VPS53: variants seen among roughly 807,000 people sequenced by gnomAD.
VPS53 encodes vacuolar protein sorting-associated protein 53 homolog.
VPS53 carries 70 observed loss-of-function variants against 107.0 expected under a neutral mutation model. That is an observed-to-expected ratio of 0.65 (90% CI 0.54 to 0.80). VPS53 has a LOEUF of 0.80. VPS53 is among the 30% of genes least tolerant of loss of function. VPS53 has a pLI of 0.00. For missense variants in VPS53, 917 were observed against 1,049.4 expected, an observed-to-expected ratio of 0.87 and a Z score of 1.74; for synonymous variants, 409 against 393.3, an observed-to-expected ratio of 1.04 and a Z score of -0.47.
intron 12 of VPS53, among the ~76,000 whole-genome samples, chr17:599,186 G>T (rs1470558452): frequency 6.6e-6 from 1 of 151,382 alleles, no homozygotes; most frequent in African/African-American, 2.4e-5. Flanking sequence ...GGGCGCCTCT[G>T]CCCGGCCGCC....
Position 670,996 on chromosome 17 carries a change from C to T in VPS53, c.286-9101G>A, listed in dbSNP as rs771429217. ...CTGTAATCCCAGCACTTTCGGAGGC[C>T]GAGGCAGGCAAATCACCTAAGGTCA... On this transcript the variant is annotated intron_variant, in intron 4 of 21. Coordinates refer to ENST00000437048, the MANE Select transcript of VPS53 (RefSeq NM_001128159.3). Among the ~76,000 whole-genome samples the T allele has an allele frequency of 3.3e-5, 5 of 152,062 alleles. No homozygotes were observed. In the South Asian group the frequency reaches 6.2e-4, roughly 19 times the overall value.
chr17:509,508 C>G lies in VPS53; in HGVS notation c.*9620G>C, dbSNP rs1221637712. 2 of 152,622 alleles carry G rather than the reference C, an allele frequency of 1.3e-5. No homozygotes were observed. Among genetic ancestry groups the G allele is most frequent in the Non-Finnish European group, 2.8e-5 (2 of 71,552 alleles). 9.5% of individuals were successfully genotyped at this position (152,622 alleles called of 1,614,324 possible). On this transcript the variant is annotated 3_prime_UTR_variant, in exon 22 of 22. Coordinates refer to ENST00000437048, the MANE Select transcript of VPS53 (RefSeq NM_001128159.3). ...GTATCAAATCCTGGCTGACCCCTTACTAGTCACATATCAAATCCTGGCTCG... is the reference window on the plus strand; with the variant it reads ...GTATCAAATCCTGGCTGACCCCTTAGTAGTCACATATCAAATCCTGGCTCG...
intron 1 of VPS53, 130 bp downstream of exon 1, chr17:714,493 C>T: frequency 2.5e-6 from 2 of 814,824 alleles, no homozygotes; most frequent in South Asian, 3.3e-5. Context: ...GCACCACCTC[C>T]CCACCTCCAC....
At position 551,944 on chromosome 17, in the gene VPS53, G is replaced by A. The variant is rs201790043; in HGVS notation, c.1794C>T (p.Ile598=). The A allele has an allele frequency of 2.5e-4, 397 of 1,594,908 alleles. 5 individuals carry two copies. In the South Asian group the frequency reaches 4.2e-3, roughly 17 times the overall value. Residue 598 remains isoleucine, a synonymous_variant, in exon 17 of 22, where the codon ATC becomes ATT. Coordinates refer to ENST00000437048, the MANE Select transcript of VPS53 (RefSeq NM_001128159.3). ...TGEMDTFSTV[I]SSSIQLLVQD... ...GAACCAGCAGCTGAATACTGCTGGA[G>A]ATGACGCTGCAAATCAAACAAATCA... is the stretch of plus-strand genomic sequence containing the variant.
Position 656,669 on chromosome 17 carries a change from A to G in VPS53, c.373-716T>C, listed in dbSNP as rs73281362. 3.3e-3 allele frequency: 1,876 copies of G among 563,754 alleles called. 31 individuals carry two copies. The highest frequency in any genetic ancestry group is 0.032 in the African/African-American group (1,680 of 52,238). 34.9% of individuals were successfully genotyped at this position (563,754 alleles called of 1,614,324 possible). A position where few individuals can be genotyped will look rare whatever the true frequency, so the allele number is the denominator to read the frequency against. ...TACTAACACCCAGGTGAAATCATCC[A>G]CTGTGTTTCTTGGTCCATGCTGACT... On this transcript the variant is annotated intron_variant, in intron 5 of 21. Transcript: ENST00000437048.
At chr17:552,859 C>G in intron 16 of VPS53, 1 of 419,370 alleles carries the variant, frequency 2.4e-6, no homozygotes, top group East Asian at 3.8e-5. Flanking sequence ...AAGCCAACAG[C>G]CTGAGGCACG....
chr17:568,148 G>A (rs964882495), intron 13 of VPS53, among the ~76,000 whole-genome samples: 4 of 152,348 alleles, frequency 2.6e-5, no homozygotes, highest in African/African-American at 4.8e-5. Flanking sequence ...GGAATGTCAA[G>A]CAGTGAGGCA....
intron 7 of VPS53, among the ~76,000 whole-genome samples, chr17:640,548 T>A (rs1422840279): frequency 3.3e-5 from 5 of 152,136 alleles, no homozygotes; most frequent in Admixed American, 3.3e-4. Flanking sequence ...GAACTGCCTA[T>A]GTCGCCATGT....
At chr17:602,856 C>G (rs747328306) in intron 11 of VPS53, among the ~76,000 whole-genome samples, 29 of 152,148 alleles carry the variant, frequency 1.9e-4, no homozygotes, top group Non-Finnish European at 3.5e-4. Flanking sequence ...TGCCTGGGAG[C>G]TGAAGGCTTT....
intron 13 of VPS53, among the ~76,000 whole-genome samples, 171 bp downstream of exon 13, chr17:586,099 T>G (rs1329969189): frequency 2.6e-5 from 4 of 152,082 alleles, no homozygotes; most frequent in African/African-American, 9.7e-5. Context: ...TAGACACAAT[T>G]AATGATAACA....
At chr17:594,154 T>C (rs1477249547) in intron 12 of VPS53, among the ~76,000 whole-genome samples, 1 of 151,262 alleles carries the variant, frequency 6.6e-6, no homozygotes, top group African/African-American at 2.4e-5. Context: ...CTCTGGGGAC[T>C]GTTGTGGGGT....
chr17:624,219 T>C (rs571909821), intron 10 of VPS53, among the ~76,000 whole-genome samples: 33 of 152,284 alleles, frequency 2.2e-4, no homozygotes, highest in Non-Finnish European at 3.7e-4. Flanking sequence ...ATAATACATA[T>C]GGAGCACCTA....
At chr17:551,612 T>G in intron 17 of VPS53, 1 of 244,740 alleles carries the variant, frequency 4.1e-6, no homozygotes, top group South Asian at 8.6e-5. Flanking sequence ...TTTAGACTCA[T>G]CAAACACATT....
Position 627,973 on chromosome 17 carries a change from C to A in VPS53, c.831+115G>T, listed in dbSNP as rs568424235. 31 of 1,092,292 alleles carry A rather than the reference C, an allele frequency of 2.8e-5. No individual in the cohort carries two copies. The South Asian group carries it at 4.8e-4, about 17-fold the overall frequency. The allele number at this position is 1,092,292 out of a possible 1,614,324, so 67.7% of individuals were successfully genotyped here. On this transcript the variant is annotated intron_variant, in intron 9 of 21. Coordinates refer to ENST00000437048, the MANE Select transcript of VPS53 (RefSeq NM_001128159.3). ...TCAGCCCCTAGGACTCACAGCTCAA[C>A]AACCAACACTGTCAGACAGTCATGT...
chr17:540,153 G>A (rs977808847), intron 17 of VPS53, among the ~76,000 whole-genome samples: 2 of 149,002 alleles, frequency 1.3e-5, no homozygotes, highest in African/African-American at 5.0e-5. Context: ...TCAAGGAGAC[G>A]CTAATGAAAC....
intron 11 of VPS53, among the ~76,000 whole-genome samples, chr17:618,714 A>G (rs960180858): frequency 4.1e-5 from 6 of 147,278 alleles, no homozygotes; most frequent in African/African-American, 1.5e-4. Context: ...GCCTGTTAAT[A>G]TTTCCTGGGT....
intron 13 of VPS53, among the ~76,000 whole-genome samples, chr17:576,531 C>A (rs1438709447): frequency 2.0e-5 from 3 of 151,222 alleles, no homozygotes; most frequent in Non-Finnish European, 2.9e-5. Context: ...CTAATGCATT[C>A]CCACAGAACC....
rs1355815318 is a variant in VPS53 at position 562,726 on chromosome 17, C to CT, written c.1332dup (p.Asp445ArgfsTer6). 2 of 1,612,196 alleles carry CT rather than the reference C, an allele frequency of 1.2e-6. No individual in the cohort carries two copies. Among genetic ancestry groups the CT allele is most frequent in the Non-Finnish European group, 1.7e-6 (2 of 1,179,378 alleles). On this transcript the variant is annotated frameshift_variant, in exon 14 of 22. Transcript: ENST00000437048. LOFTEE classifies it high-confidence loss of function. Reference sequence around the variant, plus strand: ...GCTTTGAAATCAGCCACAAACCGATCTATCAGCTCTCCGAGGTTCCTAGGA... The same window carrying CT: ...GCTTTGAAATCAGCCACAAACCGATCTTATCAGCTCTCCGAGGTTCCTAGGA...
At chr17:699,512 T>TA in intron 2 of VPS53, 132 bp from the exon 3 acceptor site, 11 of 641,562 alleles carry the variant, frequency 1.7e-5, no homozygotes, top group Non-Finnish European at 2.4e-5. Flanking sequence ...GAGTTTTGCT[T>TA]TAAAAAAAAA....
Sources: gnomAD v4.1 joint callset for allele counts (sites outside exome capture counted in the v4.1 genomes callset) on GRCh38, gnomAD v4.1.1 for gene constraint, MANE v1.5 for transcripts, NCBI Gene and HGNC (gene_info 2026-07-23, HGNC 2026-07-21) for gene names.